SP6: variants seen among roughly 807,000 people sequenced by gnomAD.
SP6 encodes Sp6 transcription factor.
SP6 carries 10 observed loss-of-function variants against 23.4 expected under a neutral mutation model. The observed-to-expected ratio is 0.43, with a 90% CI of 0.26 to 0.72. The LOEUF is 0.72. Ranked by LOEUF, SP6 falls within the 30% of genes least tolerant of loss-of-function variation. SP6 has a pLI of 0.23. For synonymous variants in SP6, 238 were observed against 238.7 expected, an observed-to-expected ratio of 1.00 and a Z score of 0.03; for missense variants, 482 against 523.8, an observed-to-expected ratio of 0.92 and a Z score of 0.78.
intron 1 of SP6, among the ~76,000 whole-genome samples, chr17:47,850,597 C>T (rs879287140): frequency 1.3e-5 from 2 of 152,246 alleles, no homozygotes; most frequent in Admixed American, 6.5e-5. Flanking sequence ...GCTTCTCGCT[C>T]CCCGAAGTGG....
upstream of SP6, among the ~76,000 whole-genome samples, chr17:47,859,925 G>T (rs781032756): frequency 2.0e-5 from 3 of 152,136 alleles, no homozygotes; most frequent in Non-Finnish European, 4.4e-5. Flanking sequence ...ACGGAGACAG[G>T]CAGAGGCAGA....
In SP6 at chr17:47,847,625, A is replaced by G; in HGVS notation, c.805T>C (p.Ser269Pro). The part of the protein sequence containing the change: ...PGCGKAYAKT[S>P]HLKAHLRWHS... Reference sequence around the variant, plus strand: ...CAGCGCAGGTGCGCCTTCAGGTGCGACGTCTTGGCGTAGGCTTTCCCGCAG... The same window carrying G: ...CAGCGCAGGTGCGCCTTCAGGTGCGGCGTCTTGGCGTAGGCTTTCCCGCAG... The change falls in exon 2 of 2, where the codon TCG becomes CCG. Residue 269 changes from serine to proline, a missense_variant. Physicochemically the swap from Ser to Pro is moderately conservative, Grantham distance 74. Coordinates refer to ENST00000536300, the MANE Select transcript of SP6 (RefSeq NM_001258248.2). 1 of 1,613,498 alleles carries G rather than the reference A, an allele frequency of 6.2e-7. No homozygotes were observed. The highest frequency in any genetic ancestry group is 8.5e-7 in the Non-Finnish European group (1 of 1,179,906).
upstream of SP6, among the ~76,000 whole-genome samples, chr17:47,857,017 AGAGAT>A (rs755465993): frequency 1.3e-5 from 2 of 152,162 alleles, no homozygotes; most frequent in South Asian, 4.1e-4. Flanking sequence ...TCCCCATTTC[AGAGAT>A]GAGAACACTG....
At chr17:47,859,912 G>C (rs1287952518), upstream of SP6, among the ~76,000 whole-genome samples, 1 of 152,162 alleles carries the variant, frequency 6.6e-6, no homozygotes, top group Non-Finnish European at 1.5e-5. Context: ...CTGGGTGTCA[G>C]TCACGGAGAC....
At chr17:47,862,748 C>G in the SP6 span, among the ~76,000 whole-genome samples, 6 of 152,144 alleles carry the variant, frequency 3.9e-5, no homozygotes, top group African/African-American at 1.2e-4. Flanking sequence ...CAACTAGAAC[C>G]CAGCATGTGG....
In SP6 at chr17:47,846,197, G is replaced by T. The variant is rs1189548440; in HGVS notation, c.*1102C>A. The T allele has an allele frequency of 6.6e-6, 1 of 152,252 alleles. No homozygotes were observed. Among genetic ancestry groups the T allele is most frequent in the Non-Finnish European group, 1.5e-5 (1 of 68,074 alleles). The allele number at this position is 152,252 out of a possible 1,614,324, so 9.4% of individuals were successfully genotyped here. On this transcript the variant is annotated 3_prime_UTR_variant, in exon 2 of 2. Transcript: ENST00000536300. ...CAAGGGAAAGACAAGGGCCAAGCTA[G>T]AGAGACAGTGGGGTTTATTTTCTTG...
upstream of SP6, among the ~76,000 whole-genome samples, chr17:47,859,620 CTCAGCT>C (rs1488193398): frequency 1.3e-5 from 2 of 152,222 alleles, no homozygotes; most frequent in Non-Finnish European, 2.9e-5. Flanking sequence ...CCAGAAGCTC[CTCAGCT>C]TGGGGAGGGC....
chr17:47,848,477 C>A lies in SP6; in HGVS notation c.-48G>T. 1 of 1,442,452 alleles carries A rather than the reference C, an allele frequency of 6.9e-7. No homozygotes were observed. The highest frequency in any genetic ancestry group is 1.5e-5 in the South Asian group (1 of 67,980). The allele number at this position is 1,442,452 out of a possible 1,614,324, so 89.4% of individuals were successfully genotyped here. A position where few individuals can be genotyped will look rare whatever the true frequency, so the allele number is the denominator to read the frequency against. On this transcript the variant is annotated 5_prime_UTR_variant, in exon 2 of 2. Transcript: ENST00000536300. The surrounding 1 kb of genome is among the most constrained non-coding windows in gnomAD (Gnocchi z 5.3). ...AGGGCAGGGACGGTCAGGGGCACCT[C>A]AGACGGGACCTAAAGGAGGCGAAGA...
At chr17:47,852,306 C>T (rs2033965777), upstream of SP6, among the ~76,000 whole-genome samples, 1 of 152,150 alleles carries the variant, frequency 6.6e-6, no homozygotes, top group Admixed American at 6.5e-5. Context: ...TTTCCGAGAC[C>T]CGCAAAGCAC....
In SP6 at chr17:47,848,165, G is replaced by A. The variant is rs1269092856; in HGVS notation, c.265C>T (p.Pro89Ser). Residue 89 changes from proline to serine, a missense_variant, in exon 2 of 2, where the codon CCG (proline) becomes TCG (serine). Around this residue, in one of 3 missense-constraint regions of SP6, gnomAD observed 330 missense variants for 332.3 expected, o/e 0.99. Coordinates refer to ENST00000536300, the MANE Select transcript of SP6 (RefSeq NM_001258248.2). The surrounding 1 kb of genome is among the most constrained non-coding windows in gnomAD (Gnocchi z 5.3). The stretch of plus-strand genomic sequence containing the variant: ...TGCAGGAGCTTGGAAAAGGGGCCCG[G>A]GGCCAAGGGACTGTCGCTTTCCAGG... ...EDLESDSPLA[P>S]GPFSKLLQPD... 3.7e-6 allele frequency: 6 copies of A among 1,613,260 alleles called. No homozygotes were observed. Among genetic ancestry groups the A allele is most frequent in the Non-Finnish European group, 4.2e-6 (5 of 1,180,016 alleles).
At position 47,848,565 on chromosome 17, in the gene SP6, C is replaced by T; in HGVS notation, c.-57-79G>A. ...TCCTAACCCAGGTCCTCCTCTCTGG[C>T]CCCAGGTGTAAAAGAAGGATGCACC... On this transcript the variant is annotated intron_variant, in intron 1 of 1. Transcript: ENST00000536300. The surrounding 1 kb of genome is among the most constrained non-coding windows in gnomAD (Gnocchi z 5.3). 1.3e-6 allele frequency: 1 copy of T among 785,408 alleles called. No homozygotes were observed. The allele number at this position is 785,408 out of a possible 1,614,324, so 48.7% of individuals were successfully genotyped here. A position where few individuals can be genotyped will look rare whatever the true frequency, so the allele number is the denominator to read the frequency against.
At chr17:47,857,462 T>G (rs1012782713), upstream of SP6, among the ~76,000 whole-genome samples, 1 of 152,184 alleles carries the variant, frequency 6.6e-6, no homozygotes, top group African/African-American at 2.4e-5. Flanking sequence ...TATGCTTAGG[T>G]AGCAGGTCCA....
chr17:47,847,839 C>G lies in SP6; in HGVS notation c.591G>C (p.Pro197=). 1 of 1,519,656 alleles carries G rather than the reference C, an allele frequency of 6.6e-7. No homozygotes were observed. The allele number at this position is 1,519,656 out of a possible 1,614,324, so 94.1% of individuals were successfully genotyped here. A position where few individuals can be genotyped will look rare whatever the true frequency, so the allele number is the denominator to read the frequency against. ...DGAKALEVAA[P]ESQGLDSSLD... Reference sequence around the variant, plus strand: ...GGCTGGAATCCAGCCCTTGAGACTCCGGGGCGGCTACTTCCAAGGCCTTAG... The same window carrying G: ...GGCTGGAATCCAGCCCTTGAGACTCGGGGGCGGCTACTTCCAAGGCCTTAG... Residue 197 remains proline, a synonymous_variant, in exon 2 of 2, where the codon CCG becomes CCC. Coordinates refer to ENST00000536300, the MANE Select transcript of SP6 (RefSeq NM_001258248.2).
At chr17:47,859,845 T>C (rs1254983373), upstream of SP6, among the ~76,000 whole-genome samples, 1 of 151,950 alleles carries the variant, frequency 6.6e-6, no homozygotes, top group Non-Finnish European at 1.5e-5. Flanking sequence ...GAACAAGGAA[T>C]TGGAGGTTTG....
upstream of SP6, among the ~76,000 whole-genome samples, chr17:47,854,663 A>G (rs923869179): frequency 6.6e-6 from 1 of 152,354 alleles, no homozygotes; most frequent in East Asian, 1.9e-4. Flanking sequence ...TACACTTGTG[A>G]TCCCTTCCAA....
At chr17:47,849,369 C>T (rs2033932184) in intron 1 of SP6, among the ~76,000 whole-genome samples, 1 of 152,146 alleles carries the variant, frequency 6.6e-6, no homozygotes, top group Admixed American at 6.5e-5. Flanking sequence ...CTGGAAGATA[C>T]AATTGCACCC....
chr17:47,847,989 C>A lies in SP6; in HGVS notation c.441G>T (p.Ala147=). Residue 147 remains alanine (A), a synonymous_variant, in exon 2 of 2, where the codon GCG becomes GCT. Coordinates refer to ENST00000536300, the MANE Select transcript of SP6 (RefSeq NM_001258248.2). ...GALTSPGHPG[A]LQAGLGGYVG... ...CGTAGCCCCCCAAGCCCGCCTGAAG[C>A]GCCCCCGGGTGGCCAGGTGAGGTCA... 3 of 1,594,176 alleles carry A rather than the reference C, an allele frequency of 1.9e-6. No homozygotes were observed. The highest frequency in any genetic ancestry group is 1.1e-5 in the South Asian group (1 of 88,736).
At chr17:47,858,886 T>C (rs963924952), upstream of SP6, among the ~76,000 whole-genome samples, 3 of 148,240 alleles carry the variant, frequency 2.0e-5, no homozygotes, top group Admixed American at 6.8e-5. Flanking sequence ...GTGATTCTCA[T>C]GCCTCAACCT....
the SP6 span, among the ~76,000 whole-genome samples, chr17:47,871,141 G>A: frequency 1.3e-5 from 2 of 152,212 alleles, no homozygotes; most frequent in Non-Finnish European, 2.9e-5. Flanking sequence ...AATGTTTACT[G>A]GATGAATGAA....
Sources: gnomAD v4.1 joint callset for allele counts (sites outside exome capture counted in the v4.1 genomes callset) on GRCh38, gnomAD v4.1.1 for gene constraint, gnomAD v4.1.1 regional missense constraint, Gnocchi (gnomAD v3.1) non-coding constraint, MANE v1.5 for transcripts, NCBI Gene and HGNC (gene_info 2026-07-23, HGNC 2026-07-21) for gene names.